The following ADRA1A variants were observed in gnomAD, a reference collection of about 807,000 sequenced individuals.
ADRA1A encodes the protein adrenoceptor alpha 1A, also known as alpha-1A adrenergic receptor.
ADRA1A carries 31 observed loss-of-function variants against 29.6 expected under a neutral mutation model. The observed-to-expected ratio is 1.05, with a 90% CI of 0.79 to 1.41. ADRA1A has a LOEUF of 1.41. Ranked by LOEUF, ADRA1A falls within the 40% of genes most tolerant of loss-of-function variation. The pLI, the probability that ADRA1A is intolerant of heterozygous loss-of-function variation, is 0.00. For synonymous variants in ADRA1A, 311 were observed against 254.3 expected (o/e 1.22, Z -2.12); for missense variants, 619 against 601.1 (o/e 1.03, Z -0.31).
rs572358355 is a variant in ADRA1A at position 26,815,078 on chromosome 8, G to A, written c.884-44412C>T. Among the ~76,000 whole-genome samples the A allele has an allele frequency of 1.3e-5, 2 of 152,094 alleles. No homozygotes were observed. Among genetic ancestry groups the A allele is most frequent in the Non-Finnish European group, 2.9e-5 (2 of 68,006 alleles). ...TCACTGTAGTAATTTAGAAAAACAT[G>A]TTTTATTTCTTTTATTGGTCAATAT... is the stretch of plus-strand genomic sequence containing the variant. On this transcript the variant is annotated intron_variant, in intron 2 of 2. Coordinates refer to ENST00000380573, the MANE Select transcript of ADRA1A (RefSeq NM_000680.4). The surrounding 1 kb of genome is among the most constrained non-coding windows in gnomAD (Gnocchi z 4.2).
At chr8:26,829,358 A>T (rs1236012809) in intron 2 of ADRA1A, among the ~76,000 whole-genome samples, 5 of 152,200 alleles carry the variant, frequency 3.3e-5, no homozygotes, top group Non-Finnish European at 7.3e-5. Flanking sequence ...ATCAAAAAAC[A>T]AGATGGTGCC....
intron 2 of ADRA1A, among the ~76,000 whole-genome samples, chr8:26,779,668 T>G (rs1806815200): frequency 6.6e-6 from 1 of 151,988 alleles, no homozygotes; most frequent in African/African-American, 2.4e-5. Context: ...ATCCTAGAGG[T>G]TTACTTTGAG....
rs1260708323 is a variant in ADRA1A, at chr8:26,825,550, C to A, written c.883+38537G>T. Among the ~76,000 whole-genome samples the A allele has an allele frequency of 1.3e-5, 2 of 152,160 alleles. No homozygotes were observed. On this transcript the variant is annotated intron_variant, in intron 2 of 2. Coordinates refer to ENST00000380573, the MANE Select transcript of ADRA1A (RefSeq NM_000680.4). This position sits in a 1 kb window ranked among gnomAD's most constrained non-coding sequence, Gnocchi z 5.7. The stretch of plus-strand genomic sequence containing the variant: ...ACTTCTAGTTGTCAGCTATCCTTGT[C>A]AAAATTTCCTAATTTTGATACTTAT...
At position 26,824,165 on chromosome 8, in the gene ADRA1A, T is replaced by C. The variant is rs138974301; in HGVS notation, c.883+39922A>G. 2.8e-3 allele frequency among the ~76,000 whole-genome samples: 419 copies of C among 152,182 alleles called. 8 individuals carry two copies. Among genetic ancestry groups the C allele is most frequent in the Admixed American group, 0.023 (358 of 15,274 alleles). Reference sequence around the variant, plus strand: ...TAATAGAAAGGATATATAATATTTTTCCATCTGTTCAGAAAGAAAGGCACT... The same window carrying C: ...TAATAGAAAGGATATATAATATTTTCCCATCTGTTCAGAAAGAAAGGCACT... On this transcript the variant is annotated intron_variant, in intron 2 of 2. Transcript: ENST00000380573.
chr8:26,794,119 G>A (rs1316320107), intron 2 of ADRA1A, among the ~76,000 whole-genome samples: 1 of 152,024 alleles, frequency 6.6e-6, no homozygotes, highest in African/African-American at 2.4e-5. Context: ...AGGGCAGGAA[G>A]TGGCAAACTT....
chr8:26,835,035 A>G (rs1268534674), intron 2 of ADRA1A, among the ~76,000 whole-genome samples: 1 of 152,210 alleles, frequency 6.6e-6, no homozygotes, highest in Admixed American at 6.5e-5. Flanking sequence ...TCAAGCAAAT[A>G]CAAGCCCCTA....
intron 2 of ADRA1A, among the ~76,000 whole-genome samples, chr8:26,857,967 C>A (rs568371417): frequency 1.3e-5 from 2 of 152,212 alleles, no homozygotes; most frequent in Non-Finnish European, 2.9e-5. Flanking sequence ...GATTCTATAG[C>A]TTCCTGGCAA....
intron 2 of ADRA1A, among the ~76,000 whole-genome samples, chr8:26,798,897 T>C (rs1808374842): frequency 6.6e-6 from 1 of 152,180 alleles, no homozygotes; most frequent in South Asian, 2.1e-4. Context: ...TGTATGACAG[T>C]TTGTTACATT....
chr8:26,774,546 G>T (rs1806404506), intron 2 of ADRA1A, among the ~76,000 whole-genome samples: 1 of 152,064 alleles, frequency 6.6e-6, no homozygotes, highest in South Asian at 2.1e-4. Flanking sequence ...GCATGTGCCT[G>T]TAGTTCCAGT....
At chr8:26,762,775 C>T (rs1027843963), downstream of ADRA1A, among the ~76,000 whole-genome samples, 3 of 152,214 alleles carry the variant, frequency 2.0e-5, no homozygotes, top group Middle Eastern at 3.2e-3. This position sits in a 1 kb window ranked among gnomAD's most constrained non-coding sequence, Gnocchi z 4.0. Flanking sequence ...ACCATCCACG[C>T]CCCATCTCAG....
At position 26,756,569 on chromosome 8, in the gene ADRA1A, G is replaced by A. The variant is rs768635257; in HGVS notation, c.*190C>T. 158 of 1,549,016 alleles carry A rather than the reference G, an allele frequency of 1.0e-4. 4 individuals carry two copies. In the South Asian group the frequency reaches 1.9e-3, roughly 18 times the overall value. On this transcript the variant is annotated 3_prime_UTR_variant, in exon 3 of 3. Transcript: ENST00000380582. ...TTAAGTTACTGTTTTTCCTGTATCAGTAACAGTAACATGTTGGATTTGTGC... is the reference window on the plus strand; with the variant it reads ...TTAAGTTACTGTTTTTCCTGTATCAATAACAGTAACATGTTGGATTTGTGC...
intron 2 of ADRA1A, among the ~76,000 whole-genome samples, chr8:26,839,559 C>T (rs545524603): frequency 6.6e-6 from 1 of 152,168 alleles, no homozygotes; most frequent in Admixed American, 6.5e-5. Context: ...TAATTACATG[C>T]TAGTCTCCAC....
In ADRA1A at chr8:26,825,033, A is replaced by G. The variant is rs574761028; in HGVS notation, c.883+39054T>C. Among the ~76,000 whole-genome samples, 88 of 134,904 alleles carry G rather than the reference A, an allele frequency of 6.5e-4. No individual in the cohort carries two copies. Among genetic ancestry groups the G allele is most frequent in the South Asian group, 9.4e-4 (4 of 4,262 alleles). 88.5% of individuals were successfully genotyped at this position (134,904 alleles called of 152,430 possible). ...CTAGCCGGCAGATCTGCAGTGTGGAATTGAGTTACCAGTGGAGCAACATGC... is the reference window on the plus strand; with the variant it reads ...CTAGCCGGCAGATCTGCAGTGTGGAGTTGAGTTACCAGTGGAGCAACATGC... On this transcript the variant is annotated intron_variant, in intron 2 of 2. Coordinates refer to ENST00000380573, the MANE Select transcript of ADRA1A (RefSeq NM_000680.4). The surrounding 1 kb of genome is among the most constrained non-coding windows in gnomAD (Gnocchi z 5.7).
downstream of ADRA1A, chr8:26,766,219 ATT>A: frequency 9.0e-7 from 1 of 1,107,206 alleles, no homozygotes. Context: ...GCTTTCATTT[ATT>A]TTTAAAAGGG....
chr8:26,751,476 A>G (rs1371214803), downstream of ADRA1A, among the ~76,000 whole-genome samples: 1 of 152,228 alleles, frequency 6.6e-6, no homozygotes. Context: ...GAATCATTAA[A>G]TACTTTGTTT....
rs1300910506 is a variant in ADRA1A, at chr8:26,867,259, A to T, written c.-1010T>A. ...AGAAAAGAATAGCAAGGAACTTTGC[A>T]GCTCTCGCTGACGTAACTCAGGCAG... On this transcript the variant is annotated 5_prime_UTR_variant, in exon 1 of 3. Transcript: ENST00000380573. The T allele has an allele frequency of 4.1e-6, 4 of 985,370 alleles. No individual in the cohort carries two copies. Among genetic ancestry groups the T allele is most frequent in the African/African-American group, 1.7e-5 (1 of 57,258 alleles). 61.0% of individuals were successfully genotyped at this position (985,370 alleles called of 1,614,324 possible).
At chr8:26,783,922 C>T (rs995431642) in intron 2 of ADRA1A, among the ~76,000 whole-genome samples, 5 of 152,036 alleles carry the variant, frequency 3.3e-5, no homozygotes, top group African/African-American at 7.2e-5. Context: ...AGCAAACTAA[C>T]GCAGGAACAG....
At chr8:26,760,456 T>C (rs2130202135) in intron 2 of ADRA1A, among the ~76,000 whole-genome samples, 1 of 152,334 alleles carries the variant, frequency 6.6e-6, no homozygotes, top group Middle Eastern at 3.4e-3. Flanking sequence ...GCAGCTTCCT[T>C]TCCTCTTTTC....
At position 26,775,358 on chromosome 8, in the gene ADRA1A, C is replaced by T. The variant is rs1489779633; in HGVS notation, c.884-4692G>A. ...TGCTGTCTCATTCTTCTTTTTTTTG[C>T]CCACCATTTCAGTTCAGTCATTTGG... On this transcript the variant is annotated intron_variant, in intron 2 of 2. Transcript: ENST00000380573. The surrounding 1 kb of genome is among the most constrained non-coding windows in gnomAD (Gnocchi z 4.1). 6.6e-6 allele frequency among the ~76,000 whole-genome samples: 1 copy of T among 152,014 alleles called. No individual in the cohort carries two copies. Among genetic ancestry groups the T allele is most frequent in the Non-Finnish European group, 1.5e-5 (1 of 67,982 alleles).
Sources: gnomAD v4.1 joint callset for allele counts (sites outside exome capture counted in the v4.1 genomes callset) on GRCh38, gnomAD v4.1.1 for gene constraint, Gnocchi (gnomAD v3.1) non-coding constraint, MANE v1.5 for transcripts, NCBI Gene and HGNC (gene_info 2026-07-23, HGNC 2026-07-21) for gene names.